The following MYO16 variants were observed in gnomAD, a reference collection of about 807,000 sequenced individuals.
The protein encoded by MYO16 is unconventional myosin-XVI.
In MYO16, 94 loss-of-function variants were observed where a neutral mutation model predicts 205.3. That is an observed-to-expected ratio of 0.46 (90% CI 0.39 to 0.54). The LOEUF (loss-of-function observed/expected upper bound fraction) is 0.54. Ranked by LOEUF, MYO16 falls within the 20% of genes least tolerant of loss-of-function variation. The pLI, the probability that MYO16 is intolerant of heterozygous loss-of-function variation, is 0.00. For synonymous variants in MYO16, 988 were observed against 954.0 expected (o/e 1.04, Z -0.66); for missense variants, 2,315 against 2,387.5 (o/e 0.97, Z 0.63).
chr13:108,566,715 GAGGAAGGAAGGA>G, the MYO16 span, among the ~76,000 whole-genome samples: 1 of 141,476 alleles, frequency 7.1e-6, no homozygotes. Context: ...GAAAGGAAAG[GAGGAAGGAAGGA>G]AGGAAGGGAG....
chr13:109,169,226 A>G (rs1227338310), intron 33 of MYO16, among the ~76,000 whole-genome samples: 1 of 152,238 alleles, frequency 6.6e-6, no homozygotes, highest in African/African-American at 2.4e-5. Flanking sequence ...TATGGCTTCA[A>G]ACCTTTGCAT....
At chr13:108,509,246 ACT>A in the MYO16 span, among the ~76,000 whole-genome samples, 5 of 116,448 alleles carry the variant, frequency 4.3e-5, no homozygotes. Context: ...ATAAATATCA[ACT>A]TGCACAGTAT....
At chr13:108,639,436 C>T (rs1272861598) in intron 1 of MYO16, among the ~76,000 whole-genome samples, 1 of 152,156 alleles carries the variant, frequency 6.6e-6, no homozygotes, top group African/African-American at 2.4e-5. Context: ...CTGTGCCCTT[C>T]ATTGGGATCT....
At chr13:108,902,108 T>C (rs974053609) in intron 15 of MYO16, among the ~76,000 whole-genome samples, 1 of 152,002 alleles carries the variant, frequency 6.6e-6, no homozygotes, top group Non-Finnish European at 1.5e-5. Flanking sequence ...GTGGAAAGGG[T>C]GTTGAGTACA....
chr13:109,095,355 A>C (rs749433558), intron 27 of MYO16, among the ~76,000 whole-genome samples: 5 of 152,242 alleles, frequency 3.3e-5, no homozygotes, highest in Admixed American at 6.5e-5. Context: ...GTCCTGCTCC[A>C]GGCTTGCAAA....
intron 33 of MYO16, among the ~76,000 whole-genome samples, chr13:109,166,470 A>C (rs1040130551): frequency 6.6e-6 from 1 of 152,232 alleles, no homozygotes; most frequent in African/African-American, 2.4e-5. Context: ...AATGGTTTAG[A>C]GATATAAAGG....
At chr13:109,154,255 TGCC>T (rs1174465687) in intron 32 of MYO16, among the ~76,000 whole-genome samples, 10 of 152,224 alleles carry the variant, frequency 6.6e-5, no homozygotes, top group Non-Finnish European at 4.4e-5. Context: ...AATGTCTTGA[TGCC>T]AGCTGGTGCA....
chr13:108,799,600 T>TTCGAC (rs1275500412), intron 6 of MYO16, among the ~76,000 whole-genome samples: 1 of 152,146 alleles, frequency 6.6e-6, no homozygotes, highest in Non-Finnish European at 1.5e-5. Context: ...TTTGCTAAAC[T>TTCGAC]TCAATTAAGG....
the MYO16 span, among the ~76,000 whole-genome samples, chr13:108,560,744 T>G: frequency 1.3e-5 from 2 of 152,212 alleles, no homozygotes; most frequent in African/African-American, 4.8e-5. Context: ...TGCATATCAT[T>G]TATTTTTAGA....
chr13:108,588,302 T>C, the MYO16 span, among the ~76,000 whole-genome samples: 2 of 152,158 alleles, frequency 1.3e-5, no homozygotes, highest in African/African-American at 4.8e-5. Flanking sequence ...ATTTGTACTT[T>C]GACAAATGTG....
intron 1 of MYO16, among the ~76,000 whole-genome samples, chr13:108,600,380 A>C (rs950485182): frequency 9.9e-5 from 15 of 152,206 alleles, no homozygotes; most frequent in African/African-American, 3.1e-4. Context: ...AGCTGTGAGC[A>C]TTGAAATAAC....
chr13:109,058,566 T>A (rs1366911643), intron 27 of MYO16, among the ~76,000 whole-genome samples: 2 of 152,192 alleles, frequency 1.3e-5, no homozygotes, highest in Non-Finnish European at 2.9e-5. Context: ...ATATGATACC[T>A]TAATTTTAAA....
chr13:108,759,806 C>A lies in MYO16; in HGVS notation c.508-25829C>A, dbSNP rs111542451. 3.8e-3 allele frequency among the ~76,000 whole-genome samples: 523 copies of A among 136,644 alleles called. 3 individuals are homozygous for A. Among genetic ancestry groups the A allele is most frequent in the African/African-American group, 0.014 (502 of 36,060 alleles). The allele number at this position is 136,644 out of a possible 152,430, so 89.6% of individuals were successfully genotyped here. A position where few individuals can be genotyped will look rare whatever the true frequency, so the allele number is the denominator to read the frequency against. On this transcript the variant is annotated intron_variant, in intron 4 of 34. Transcript: ENST00000457511. ...CTGCACTCCAGCCTGGGCGACACAGCGAGACTCCGTCTCAAAAAAAAAAAA... is the reference window on the plus strand; with the variant it reads ...CTGCACTCCAGCCTGGGCGACACAGAGAGACTCCGTCTCAAAAAAAAAAAA...
intron 2 of MYO16, among the ~76,000 whole-genome samples, chr13:108,708,290 G>A (rs1423505444): frequency 2.0e-5 from 3 of 152,150 alleles, no homozygotes; most frequent in Non-Finnish European, 4.4e-5. Flanking sequence ...AATGAGATAA[G>A]ATACAATTTT....
chr13:108,787,063 C>G (rs1886479701), intron 5 of MYO16, among the ~76,000 whole-genome samples: 6 of 152,150 alleles, frequency 3.9e-5, no homozygotes. Context: ...AAACTTGGCG[C>G]AATGGTGCCT....
At chr13:108,575,234 C>G in the MYO16 span, among the ~76,000 whole-genome samples, 1 of 152,186 alleles carries the variant, frequency 6.6e-6, no homozygotes, top group African/African-American at 2.4e-5. Context: ...TTTTCATCTG[C>G]TTAGAGCTTG....
In MYO16 at chr13:108,972,040, C is replaced by T. The variant is rs971987967; in HGVS notation, c.2369+7138C>T. Reference sequence around the variant, plus strand: ...TGAAACCCCATCTCTACCCCACCCCCCAAAAAAATACAAAAAAGTTAGCCA... The same window carrying T: ...TGAAACCCCATCTCTACCCCACCCCTCAAAAAAATACAAAAAAGTTAGCCA... On this transcript the variant is annotated intron_variant, in intron 20 of 34. Transcript: ENST00000457511. 2.0e-5 allele frequency among the ~76,000 whole-genome samples: 3 copies of T among 149,470 alleles called. No individual in the cohort carries two copies. In the East Asian group the frequency reaches 6.0e-4, roughly 30 times the overall value.
intron 11 of MYO16, 43 bp from the exon 12 acceptor site, chr13:108,866,134 T>C (rs1878701717): frequency 1.6e-6 from 2 of 1,249,366 alleles, no homozygotes; most frequent in East Asian, 5.0e-5. Flanking sequence ...TTAAAGATGC[T>C]ATTTATATGA....
intron 5 of MYO16, among the ~76,000 whole-genome samples, chr13:108,786,728 T>G (rs912780325): frequency 1.3e-5 from 2 of 152,184 alleles, no homozygotes; most frequent in African/African-American, 4.8e-5. Context: ...AAGGTAGGTG[T>G]GGTTACCACG....
Sources: allele counts gnomAD v4.1 joint callset (sites outside exome capture counted in the v4.1 genomes callset), GRCh38; gene constraint gnomAD v4.1.1; transcripts MANE v1.5; gene names NCBI Gene and HGNC (gene_info 2026-07-23, HGNC 2026-07-21).